ACOXL: variants seen among roughly 807,000 people sequenced by gnomAD.
ACOXL encodes acyl-CoA oxidase like, also known as acyl-coenzyme A oxidase-like protein.
ACOXL carries 70 observed loss-of-function variants against 71.9 expected under a neutral mutation model. That is an observed-to-expected ratio of 0.97 (90% CI 0.80 to 1.19). The LOEUF is 1.19. Among genes scored for constraint, ACOXL ranks in the 50% most tolerant of loss-of-function variants. The pLI, the probability that ACOXL is intolerant of heterozygous loss-of-function variation, is 0.00. For missense variants in ACOXL, 703 were observed against 736.3 expected (o/e 0.95, Z 0.52); for synonymous variants, 253 against 281.6 (o/e 0.90, Z 1.02).
At chr2:110,846,506 G>A (rs1573806007) in intron 10 of ACOXL, among the ~76,000 whole-genome samples, 1 of 152,316 alleles carries the variant, frequency 6.6e-6, no homozygotes, top group South Asian at 2.1e-4. Flanking sequence ...CAGAGGACTT[G>A]AGGCCCAAAG....
chr2:111,040,226 C>T (rs1056429015), intron 15 of ACOXL, among the ~76,000 whole-genome samples: 2 of 152,200 alleles, frequency 1.3e-5, no homozygotes, highest in African/African-American at 2.4e-5. Flanking sequence ...AAGAATCACA[C>T]AGACCATGTT....
chr2:110,859,770 C>A (rs777891288), intron 10 of ACOXL, among the ~76,000 whole-genome samples: 7 of 152,182 alleles, frequency 4.6e-5, no homozygotes, highest in African/African-American at 9.7e-5. Flanking sequence ...CAGCAGGACC[C>A]CAGGCTAAGG....
chr2:110,909,526 A>T lies in ACOXL; in HGVS notation c.905+621A>T, dbSNP rs780337721. On this transcript the variant is annotated intron_variant, in intron 11 of 17. Coordinates refer to ENST00000439055, the MANE Select transcript of ACOXL (RefSeq NM_001142807.4). ...ATTTATCTCAGATCACAGAGCCTAG[A>T]AGTAGTGGACTGGGAGTGGAGCTCC... 1.1e-4 allele frequency among the ~76,000 whole-genome samples: 16 copies of T among 152,202 alleles called. 1 individual carries two copies. The highest frequency in any genetic ancestry group is 6.8e-3 in the Middle Eastern group (2 of 294).
chr2:110,768,643 C>T (rs1203863130), intron 2 of ACOXL, among the ~76,000 whole-genome samples, 179 bp downstream of exon 2: 2 of 152,038 alleles, frequency 1.3e-5, no homozygotes, highest in African/African-American at 4.8e-5. Flanking sequence ...AGTATTTCCT[C>T]ACCCCAGTAG....
At chr2:110,752,117 T>C (rs1679052703) in intron 1 of ACOXL, among the ~76,000 whole-genome samples, 1 of 151,830 alleles carries the variant, frequency 6.6e-6, no homozygotes, top group African/African-American at 2.4e-5. Context: ...CTCTGCCTCC[T>C]GGGTTCAAGC....
intron 12 of ACOXL, among the ~76,000 whole-genome samples, chr2:110,941,049 A>G (rs567285557): frequency 1.3e-5 from 2 of 152,236 alleles, no homozygotes; most frequent in South Asian, 4.1e-4. Flanking sequence ...CAAGAAAGAA[A>G]AATTGTCCAC....
At chr2:110,861,292 T>C (rs2148984531) in intron 10 of ACOXL, among the ~76,000 whole-genome samples, 1 of 152,198 alleles carries the variant, frequency 6.6e-6, no homozygotes, top group Middle Eastern at 3.4e-3. Flanking sequence ...TTCTACATCA[T>C]TAAAAAAAAT....
chr2:110,891,775 T>C, intron 10 of ACOXL, among the ~76,000 whole-genome samples: 1 of 152,034 alleles, frequency 6.6e-6, no homozygotes, highest in Non-Finnish European at 1.5e-5. Context: ...TGAAATTGGG[T>C]TTTGTTTTTG....
Position 110,962,286 on chromosome 2 carries a change from C to A in ACOXL, c.1060-24822C>A, listed in dbSNP as rs1429304557. On this transcript the variant is annotated intron_variant, in intron 12 of 17. Transcript: ENST00000439055. ...ATGCGGAAATCACTCTGCGGCAGGA[C>A]CGCACTTTATCGGAACCTGCTTTCA... Among the ~76,000 whole-genome samples, 9 of 152,334 alleles carry A rather than the reference C, an allele frequency of 5.9e-5. No homozygotes were observed. In the East Asian group the frequency reaches 1.7e-3, roughly 29 times the overall value.
intron 9 of ACOXL, among the ~76,000 whole-genome samples, chr2:110,809,397 G>T (rs1333995274): frequency 6.6e-6 from 1 of 152,204 alleles, no homozygotes; most frequent in Non-Finnish European, 1.5e-5. Flanking sequence ...AGCATTCTGG[G>T]CTGTTTTTTC....
intron 15 of ACOXL, among the ~76,000 whole-genome samples, chr2:111,033,510 G>T (rs1233381999): frequency 6.6e-6 from 1 of 152,140 alleles, no homozygotes; most frequent in African/African-American, 2.4e-5. Context: ...GTGTCCTCAG[G>T]CCTGGCTGGA....
rs570127165 is a variant in ACOXL at position 110,799,226 on chromosome 2, A to T, written c.547+126A>T. ...GGTGGAGAAAACTTCCCCAGAGAAGATGTCCAGATTTTGAAGCCTCATGAA... is the reference window on the plus strand; with the variant it reads ...GGTGGAGAAAACTTCCCCAGAGAAGTTGTCCAGATTTTGAAGCCTCATGAA... On this transcript the variant is annotated intron_variant, in intron 7 of 17. Coordinates refer to ENST00000439055, the MANE Select transcript of ACOXL (RefSeq NM_001142807.4). The T allele has an allele frequency of 8.0e-6, 7 of 876,982 alleles. No homozygotes were observed. In the South Asian group the frequency reaches 1.0e-4, roughly 13 times the overall value. The allele number at this position is 876,982 out of a possible 1,614,324, so 54.3% of individuals were successfully genotyped here.
intron 1 of ACOXL, among the ~76,000 whole-genome samples, chr2:110,739,849 C>G (rs780414455): frequency 1.4e-4 from 21 of 152,210 alleles, no homozygotes; most frequent in Non-Finnish European, 2.8e-4. Context: ...GTCTAGGTGA[C>G]AGTGTGTTGC....
At chr2:110,764,149 C>T (rs1196111043) in intron 1 of ACOXL, among the ~76,000 whole-genome samples, 1 of 152,174 alleles carries the variant, frequency 6.6e-6, no homozygotes, top group African/African-American at 2.4e-5. Flanking sequence ...GTCCAGTAGT[C>T]ATTTTCCTTG....
chr2:110,752,473 GT>G (rs1679120013), intron 1 of ACOXL, among the ~76,000 whole-genome samples: 1 of 151,460 alleles, frequency 6.6e-6, no homozygotes, highest in South Asian at 2.1e-4. Context: ...AATAAAAGAA[GT>G]AAAAAATAAT....
intron 7 of ACOXL, among the ~76,000 whole-genome samples, chr2:110,800,616 A>T (rs556085584): frequency 6.6e-6 from 1 of 152,210 alleles, no homozygotes; most frequent in Admixed American, 6.5e-5. Flanking sequence ...GATCATGCCA[A>T]GCCAAGGAAG....
chr2:110,763,725 G>C (rs1021781909), intron 1 of ACOXL, among the ~76,000 whole-genome samples: 1 of 152,180 alleles, frequency 6.6e-6, no homozygotes, highest in African/African-American at 2.4e-5. Flanking sequence ...TCTGCTCTGT[G>C]AATGTCAAAA....
intron 1 of ACOXL, chr2:110,733,068 G>A (rs1441991831): frequency 6.6e-6 from 1 of 152,552 alleles, no homozygotes; most frequent in East Asian, 1.9e-4. Flanking sequence ...GACAGGCGCG[G>A]TGTCTACGAA....
intron 12 of ACOXL, among the ~76,000 whole-genome samples, chr2:110,977,645 G>A (rs958939496): frequency 2.6e-5 from 4 of 152,134 alleles, no homozygotes; most frequent in Non-Finnish European, 1.5e-5. Flanking sequence ...GAAACCAGAT[G>A]TTGCAGCATC....
Sources: allele counts gnomAD v4.1 joint callset (sites outside exome capture counted in the v4.1 genomes callset), GRCh38; gene constraint gnomAD v4.1.1; transcripts MANE v1.5; gene names NCBI Gene and HGNC (gene_info 2026-07-23, HGNC 2026-07-21).